Variants in TMEM255B observed in about 807,000 individuals in gnomAD.
TMEM255B encodes the protein family with sequence similarity 70, member B.
In TMEM255B, 35 loss-of-function variants were observed where a neutral mutation model predicts 34.5. The observed-to-expected ratio is 1.01, with a 90% CI of 0.77 to 1.34. TMEM255B has a LOEUF of 1.34. Ranked by LOEUF, TMEM255B falls within the 40% of genes most tolerant of loss-of-function variation. The pLI is 0.00. For missense variants in TMEM255B, 432 were observed against 433.2 expected (o/e 1.00, Z 0.02); for synonymous variants, 206 against 201.2 (o/e 1.02, Z -0.20).
At chr13:113,804,831 C>G in intron 7 of TMEM255B, 54 bp from the exon 8 acceptor site, 3 of 1,500,170 alleles carry the variant, frequency 2.0e-6, no homozygotes, top group Non-Finnish European at 2.7e-6. Context: ...GGCTGGACAG[C>G]CCTTCCCTCC....
At position 113,810,859 on chromosome 13, in the gene TMEM255B, G is replaced by A. The variant is rs554024152; in HGVS notation, c.814-877G>A. Among the ~76,000 whole-genome samples the A allele has an allele frequency of 2.6e-3, 396 of 152,356 alleles. 2 individuals carry two copies. Among genetic ancestry groups the A allele is most frequent in the African/African-American group, 9.0e-3 (374 of 41,578 alleles). Reference sequence around the variant, plus strand: ...ACACTGAACCAGCCACACGCTGCTGGACGTGTGGACGTGTGGGGTTCATAC... The same window carrying A: ...ACACTGAACCAGCCACACGCTGCTGAACGTGTGGACGTGTGGGGTTCATAC... On this transcript the variant is annotated intron_variant, in intron 8 of 8. Transcript: ENST00000375353.
chr13:113,760,457 T>C (rs1410394729), intron 1 of TMEM255B, among the ~76,000 whole-genome samples: 2 of 152,228 alleles, frequency 1.3e-5, no homozygotes, highest in Non-Finnish European at 2.9e-5. Context: ...ACTTTAAACC[T>C]TAAAACAATA....
At position 113,812,888 on chromosome 13, in the gene TMEM255B, C is replaced by G. The variant is rs1253883964; in HGVS notation, c.*985C>G. 6.2e-6 allele frequency: 1 copy of G among 160,608 alleles called. No individual in the cohort carries two copies. Among genetic ancestry groups the G allele is most frequent in the African/African-American group, 2.5e-5 (1 of 39,702 alleles). The allele number at this position is 160,608 out of a possible 1,614,324, so 9.9% of individuals were successfully genotyped here. ...TGGGTCACAGGTCCCGAGTGGGTCA[C>G]AGGCCCCGGGTGAGTCACAGGCCCC... On this transcript the variant is annotated 3_prime_UTR_variant, in exon 9 of 9. Transcript: ENST00000375353.
intron 3 of TMEM255B, among the ~76,000 whole-genome samples, chr13:113,794,265 T>A (rs894191642): frequency 1.1e-4 from 17 of 151,948 alleles, no homozygotes; most frequent in African/African-American, 3.4e-4. Context: ...CTGCTCTGAG[T>A]CTGGACGAGC....
At chr13:113,777,469 T>C (rs547680046) in intron 3 of TMEM255B, among the ~76,000 whole-genome samples, 18 of 152,150 alleles carry the variant, frequency 1.2e-4, no homozygotes, top group African/African-American at 3.6e-4. Flanking sequence ...ACCCGCTGAC[T>C]GTGCACCCCA....
intron 7 of TMEM255B, among the ~76,000 whole-genome samples, chr13:113,803,950 G>A (rs968378384): frequency 1.6e-4 from 24 of 152,168 alleles, no homozygotes; most frequent in African/African-American, 3.8e-4. Context: ...GGTCGTCACC[G>A]TGGCCAGCCC....
chr13:113,800,871 A>G lies in TMEM255B; in HGVS notation c.468A>G (p.Arg156=). 1.2e-6 allele frequency: 2 copies of G among 1,610,822 alleles called. No homozygotes were observed. The highest frequency in any genetic ancestry group is 1.7e-6 in the Non-Finnish European group (2 of 1,179,024). ...SLDGKCQLKV[R]SNTCYCCDLY... The stretch of plus-strand genomic sequence containing the variant: ...ACGGCAAGTGCCAGCTGAAGGTGAG[A>G]AGCAACACCTGTTACTGCTGTGACC... The change falls in exon 6 of 9, where the codon AGA becomes AGG. Residue 156 remains arginine (R), a synonymous_variant. Coordinates refer to ENST00000375353, the MANE Select transcript of TMEM255B (RefSeq NM_182614.4).
At chr13:113,782,914 G>A (rs1007055136) in intron 3 of TMEM255B, among the ~76,000 whole-genome samples, 29 of 152,170 alleles carry the variant, frequency 1.9e-4, no homozygotes, top group African/African-American at 7.0e-4. Context: ...GGACAGCAGA[G>A]GTGAGCATCT....
At chr13:113,790,884 G>C (rs1005149498) in intron 3 of TMEM255B, among the ~76,000 whole-genome samples, 1 of 152,222 alleles carries the variant, frequency 6.6e-6, no homozygotes, top group Admixed American at 6.5e-5. Context: ...CTTGCTGCGC[G>C]TGGCCACACT....
intron 2 of TMEM255B, among the ~76,000 whole-genome samples, chr13:113,767,318 A>C (rs557532904): frequency 8.5e-5 from 13 of 152,276 alleles, no homozygotes; most frequent in African/African-American, 3.1e-4. Context: ...AATAGTATCT[A>C]TGCAGAAAAA....
rs1251163714 is a variant in TMEM255B, at chr13:113,795,108, T to TGGTAAAA, written c.253-38_253-32dup. ...TTGGTTTGCGTTTGAAAACCGGGGTTGGTAAAAGCTGGGCACCCACACCTC... is the reference window on the plus strand; with the variant it reads ...TTGGTTTGCGTTTGAAAACCGGGGTTGGTAAAAGGTAAAAGCTGGGCACCCACACCTC... On this transcript the variant is annotated intron_variant, in intron 3 of 8. Transcript: ENST00000375353. 7 of 1,598,430 alleles carry TGGTAAAA rather than the reference T, an allele frequency of 4.4e-6. No homozygotes were observed. In the Middle Eastern group the frequency reaches 5.3e-4, roughly 122 times the overall value.
chr13:113,764,258 G>A (rs1001658574), intron 1 of TMEM255B, among the ~76,000 whole-genome samples: 6 of 152,194 alleles, frequency 3.9e-5, no homozygotes, highest in Non-Finnish European at 7.4e-5. Flanking sequence ...TCCTGGTGCT[G>A]TGCCCGCCCC....
chr13:113,804,294 C>T (rs772924214), intron 7 of TMEM255B, among the ~76,000 whole-genome samples: 3 of 152,184 alleles, frequency 2.0e-5, no homozygotes, highest in South Asian at 2.1e-4. Context: ...TGGTTTTGTT[C>T]GCATTCCCCA....
In TMEM255B at chr13:113,762,248, A is replaced by AT. The variant is rs576435067; in HGVS notation, c.46+2941dup. Among the ~76,000 whole-genome samples the AT allele has an allele frequency of 5.7e-3, 869 of 151,534 alleles. 10 individuals carry two copies. The highest frequency in any genetic ancestry group is 0.02 in the African/African-American group (827 of 41,270). On this transcript the variant is annotated intron_variant, in intron 1 of 8. Coordinates refer to ENST00000375353, the MANE Select transcript of TMEM255B (RefSeq NM_182614.4). Reference sequence around the variant, plus strand: ...TATCCCACCTTCTTTTCTTGAGTTTATTTTTTTTCTCATTTTTATGCTGTG... The same window carrying AT: ...TATCCCACCTTCTTTTCTTGAGTTTATTTTTTTTTCTCATTTTTATGCTGTG...
chr13:113,789,075 T>C (rs1452008121), intron 3 of TMEM255B, among the ~76,000 whole-genome samples: 1 of 151,898 alleles, frequency 6.6e-6, no homozygotes, highest in Non-Finnish European at 1.5e-5. Context: ...GCCGCCCTCT[T>C]GAGGTAGCTG....
At chr13:113,789,565 G>A (rs9550240) in intron 3 of TMEM255B, among the ~76,000 whole-genome samples, 62,763 of 152,146 alleles carry the variant, frequency 0.41, 14,276 homozygotes, top group East Asian at 0.72. Flanking sequence ...ATGACTTTCG[G>A]ACTTAGCCAG....
At chr13:113,808,057 G>A (rs574327757) in intron 8 of TMEM255B, among the ~76,000 whole-genome samples, 8 of 152,316 alleles carry the variant, frequency 5.3e-5, no homozygotes, top group African/African-American at 1.9e-4. Context: ...CTGATAATTG[G>A]ATTTCAGAGA....
intron 1 of TMEM255B, among the ~76,000 whole-genome samples, chr13:113,761,938 C>T (rs1346160478): frequency 6.6e-6 from 1 of 152,148 alleles, no homozygotes; most frequent in Admixed American, 6.5e-5. Context: ...TAAATGGCCG[C>T]CCAAGACCAC....
intron 3 of TMEM255B, among the ~76,000 whole-genome samples, chr13:113,787,929 G>A (rs897325587): frequency 6.7e-6 from 1 of 148,738 alleles, no homozygotes; most frequent in East Asian, 2.0e-4. Context: ...AAGGAAGCGA[G>A]GCGGAGGAGA....
Sources: gnomAD v4.1 joint callset for allele counts (sites outside exome capture counted in the v4.1 genomes callset) on GRCh38, gnomAD v4.1.1 for gene constraint, MANE v1.5 for transcripts, NCBI Gene and HGNC (gene_info 2026-07-23, HGNC 2026-07-21) for gene names.